The following ARHGEF18 variants were observed in gnomAD, a reference collection of about 807,000 sequenced individuals.
ARHGEF18 encodes Rho/Rac guanine nucleotide exchange factor 18, also known as rho guanine nucleotide exchange factor 18.
A neutral mutation model predicts 155.7 loss-of-function variants in ARHGEF18; 93 were observed. The observed-to-expected ratio is 0.60, with a 90% CI of 0.50 to 0.71. The LOEUF (loss-of-function observed/expected upper bound fraction) is 0.71, where lower values mean the gene tolerates loss of function less well. Ranked by LOEUF, ARHGEF18 falls within the 30% of genes least tolerant of loss-of-function variation. The pLI, the probability that ARHGEF18 is intolerant of heterozygous loss-of-function variation, is 0.00. For missense variants in ARHGEF18, 1,593 were observed against 1,816.1 expected (o/e 0.88, Z 2.23); for synonymous variants, 742 against 753.1 (o/e 0.99, Z 0.24).
chr19:7,370,933 C>T lies in ARHGEF18; in HGVS notation c.16-1879C>T, dbSNP rs540548036. 2.0e-5 allele frequency among the ~76,000 whole-genome samples: 3 copies of T among 150,048 alleles called. No homozygotes were observed. The South Asian group carries it at 6.3e-4, about 31-fold the overall frequency. ...TTTTCTTTCTTTCTTTCTTTGGAGA[C>T]AGGGTCTTGCTTTGTCACCCAGGCT... On this transcript the variant is annotated intron_variant, in intron 2 of 28. Transcript: ENST00000668164.
In ARHGEF18 at chr19:7,444,106, G is replaced by C; in HGVS notation, c.1361-98G>C. 1 of 1,496,694 alleles carries C rather than the reference G, an allele frequency of 6.7e-7. No individual in the cohort carries two copies. Among genetic ancestry groups the C allele is most frequent in the South Asian group, 1.3e-5 (1 of 78,940 alleles). 92.7% of individuals were successfully genotyped at this position (1,496,694 alleles called of 1,614,324 possible). The stretch of plus-strand genomic sequence containing the variant: ...CAAGGTCTTAGGCAGAGAACTCTCA[G>C]AAGCCAGTTCAGCACGTGAAGGGCA... On this transcript the variant is annotated intron_variant, in intron 13 of 28. Transcript: ENST00000668164. This position sits in a 1 kb window ranked among gnomAD's most constrained non-coding sequence, Gnocchi z 4.7.
downstream of ARHGEF18, chr19:7,472,598 C>T (rs572692151): frequency 1.6e-5 from 3 of 185,226 alleles, no homozygotes; most frequent in South Asian, 3.1e-4. Flanking sequence ...CCTCAGCTCG[C>T]TCACCTGCCC....
intron 10 of ARHGEF18, among the ~76,000 whole-genome samples, chr19:7,426,284 T>TG (rs1973656065): frequency 6.6e-6 from 1 of 151,966 alleles, no homozygotes; most frequent in Non-Finnish European, 1.5e-5. Flanking sequence ...GGTTAGGAGT[T>TG]GGAGACCAGC....
At chr19:7,458,907 G>A (rs534950858) in intron 19 of ARHGEF18, among the ~76,000 whole-genome samples, 3 of 152,334 alleles carry the variant, frequency 2.0e-5, no homozygotes, top group South Asian at 2.1e-4. Flanking sequence ...TTCTGCATGC[G>A]TGGGCCACTG....
At chr19:7,350,354 C>A (rs1208129855) in intron 1 of ARHGEF18, among the ~76,000 whole-genome samples, 1 of 152,118 alleles carries the variant, frequency 6.6e-6, no homozygotes, top group African/African-American at 2.4e-5. Context: ...GGCCAGGTCA[C>A]CTGCAGTTCT....
chr19:7,430,853 CAATA>C (rs764677960), intron 10 of ARHGEF18, among the ~76,000 whole-genome samples: 3 of 152,002 alleles, frequency 2.0e-5, no homozygotes, highest in Non-Finnish European at 2.9e-5. Flanking sequence ...CATCCATAGA[CAATA>C]AATAAATATA....
intron 1 of ARHGEF18, among the ~76,000 whole-genome samples, chr19:7,354,187 T>A (rs545524499): frequency 1.3e-5 from 2 of 152,084 alleles, no homozygotes; most frequent in Admixed American, 1.3e-4. Flanking sequence ...TGTGATAGCA[T>A]GCATGTACAT....
intron 10 of ARHGEF18, among the ~76,000 whole-genome samples, chr19:7,383,824 G>A (rs1462091841): frequency 7.7e-6 from 1 of 129,108 alleles, no homozygotes; most frequent in African/African-American, 2.9e-5. Flanking sequence ...TGCAACACAT[G>A]AATTTGATGG....
In ARHGEF18 at chr19:7,470,791, C is replaced by T. The variant is rs892578762; in HGVS notation, c.*493C>T. ...GGCACCAGGAGGGGCCAGGTGGCGTCGGCAGCATCTGTCCCCAGAATCAGG... is the reference window on the plus strand; with the variant it reads ...GGCACCAGGAGGGGCCAGGTGGCGTTGGCAGCATCTGTCCCCAGAATCAGG... On this transcript the variant is annotated 3_prime_UTR_variant, in exon 29 of 29. Coordinates refer to ENST00000668164, the MANE Select transcript of ARHGEF18 (RefSeq NM_001367823.1). The surrounding 1 kb of genome is among the most constrained non-coding windows in gnomAD (Gnocchi z 5.9). The T allele has an allele frequency of 5.0e-6, 2 of 401,018 alleles. No individual in the cohort carries two copies. The highest frequency in any genetic ancestry group is 2.1e-5 in the African/African-American group (1 of 48,682). 24.8% of individuals were successfully genotyped at this position (401,018 alleles called of 1,614,324 possible).
intron 13 of ARHGEF18, among the ~76,000 whole-genome samples, chr19:7,442,707 T>G (rs1321899108): frequency 6.6e-6 from 1 of 152,234 alleles, no homozygotes; most frequent in East Asian, 1.9e-4. Context: ...TAGGCAGCTC[T>G]CATAGAACAC....
At position 7,462,542 on chromosome 19, in the gene ARHGEF18, C is replaced by T. The variant is rs976111174; in HGVS notation, c.2635+208C>T. On this transcript the variant is annotated intron_variant, in intron 21 of 28. Coordinates refer to ENST00000668164, the MANE Select transcript of ARHGEF18 (RefSeq NM_001367823.1). The surrounding 1 kb of genome is among the most constrained non-coding windows in gnomAD (Gnocchi z 4.4). ...CTTAGACATAATCTGGGCCAAGCCG[C>T]TCCTTGCAGACATAAAGCACTTTCT... is the stretch of plus-strand genomic sequence containing the variant. 6.6e-6 allele frequency among the ~76,000 whole-genome samples: 1 copy of T among 152,044 alleles called. No homozygotes were observed. The highest frequency in any genetic ancestry group is 1.5e-5 in the Non-Finnish European group (1 of 68,046).
intron 10 of ARHGEF18, among the ~76,000 whole-genome samples, chr19:7,404,460 T>C (rs1451936176): frequency 3.5e-4 from 51 of 144,402 alleles, no homozygotes; most frequent in African/African-American, 1.2e-3. Context: ...TCTCTCTCTT[T>C]TTTTTTTTTT....
chr19:7,362,818 T>C lies in ARHGEF18; in HGVS notation c.-73T>C, dbSNP rs73923365. 4.3e-3 allele frequency: 5,288 copies of C among 1,234,298 alleles called. 150 individuals are homozygous for C. The African/African-American group carries it at 0.069, about 16-fold the overall frequency. 76.5% of individuals were successfully genotyped at this position (1,234,298 alleles called of 1,614,324 possible). ...AGTCATGTGTCCAGCCTTTTGACTCTGGAGCTGTGGCTTCAGCCACCAAGA... is the reference window on the plus strand; with the variant it reads ...AGTCATGTGTCCAGCCTTTTGACTCCGGAGCTGTGGCTTCAGCCACCAAGA... On this transcript the variant is annotated 5_prime_UTR_variant, in exon 2 of 29. Transcript: ENST00000668164.
intron 1 of ARHGEF18, among the ~76,000 whole-genome samples, chr19:7,355,164 C>T (rs995858565): frequency 1.3e-5 from 2 of 151,472 alleles, no homozygotes; most frequent in East Asian, 3.9e-4. Flanking sequence ...AAATACACCC[C>T]CACATTGACA....
At chr19:7,388,847 C>G (rs1406758608) in intron 10 of ARHGEF18, among the ~76,000 whole-genome samples, 1 of 152,060 alleles carries the variant, frequency 6.6e-6, no homozygotes, top group Non-Finnish European at 1.5e-5. Context: ...TTCCAAAATG[C>G]TAGGATTACA....
chr19:7,464,198 C>T (rs529281278), intron 22 of ARHGEF18, among the ~76,000 whole-genome samples: 5 of 152,206 alleles, frequency 3.3e-5, no homozygotes, highest in East Asian at 1.9e-4. Context: ...CCACCATGCC[C>T]GGCTACTTTT....
intron 13 of ARHGEF18, among the ~76,000 whole-genome samples, chr19:7,443,450 C>T (rs952720732): frequency 1.3e-5 from 2 of 152,174 alleles, no homozygotes; most frequent in Non-Finnish European, 1.5e-5. Flanking sequence ...ATCTGCTCAC[C>T]TCGGCCTCCC....
intron 10 of ARHGEF18, among the ~76,000 whole-genome samples, chr19:7,402,789 C>T (rs1177651256): frequency 6.6e-6 from 1 of 152,062 alleles, no homozygotes; most frequent in African/African-American, 2.4e-5. Context: ...TGTAGGACCA[C>T]GTAGGAGAAG....
chr19:7,379,082 GCTACCAT>G, intron 6 of ARHGEF18, 33 bp from the exon 7 acceptor site: 1 of 1,231,550 alleles, frequency 8.1e-7, no homozygotes, highest in East Asian at 3.2e-5. Context: ...GTAACCTGGA[GCTACCAT>G]GGGCTGTTCT....
Sources: allele counts gnomAD v4.1 joint callset (sites outside exome capture counted in the v4.1 genomes callset), GRCh38; gene constraint gnomAD v4.1.1; non-coding constraint Gnocchi (gnomAD v3.1); transcripts MANE v1.5; gene names NCBI Gene and HGNC (gene_info 2026-07-23, HGNC 2026-07-21).